The following NUP210L variants were observed in gnomAD, a reference collection of about 807,000 sequenced individuals.
The protein encoded by NUP210L is nuclear pore membrane glycoprotein 210-like.
In NUP210L, 74 loss-of-function variants were observed where a neutral mutation model predicts 208.5. That is an observed-to-expected ratio of 0.35 (90% CI 0.29 to 0.43). The LOEUF (loss-of-function observed/expected upper bound fraction) is 0.43, where lower values mean the gene tolerates loss of function less well. Among genes scored for constraint, NUP210L ranks in the 20% least tolerant of loss-of-function variants. The probability of loss-of-function intolerance (pLI) is 1.00; values close to 1 mark genes in which losing one functional copy is unlikely to be tolerated. For missense variants in NUP210L, 1,843 were observed against 2,289.4 expected (o/e 0.81, Z 3.98); for synonymous variants, 780 against 816.9 (o/e 0.95, Z 0.77).
chr1:154,035,766 C>T (rs921450312), intron 27 of NUP210L, among the ~76,000 whole-genome samples: 4 of 147,104 alleles, frequency 2.7e-5, no homozygotes, highest in East Asian at 2.1e-4. Context: ...TGGAGTCTTA[C>T]TTTGTCACCC....
In NUP210L at chr1:153,994,984, C is replaced by T. The variant is rs887804439; in HGVS notation, c.5491+92G>A. On this transcript the variant is annotated intron_variant, in intron 38 of 39. Transcript: ENST00000368559. ...CCAAGATTGCGCCACTGCACTCCAG[C>T]GTGGGCGACAGACTTAAACTCCATC... 12 of 767,388 alleles carry T rather than the reference C, an allele frequency of 1.6e-5. No homozygotes were observed. The East Asian group carries it at 2.0e-4, about 13-fold the overall frequency. 47.5% of individuals were successfully genotyped at this position (767,388 alleles called of 1,614,324 possible).
intron 35 of NUP210L, among the ~76,000 whole-genome samples, chr1:154,003,245 T>C (rs1650320841): frequency 6.6e-6 from 1 of 151,890 alleles, no homozygotes; most frequent in Non-Finnish European, 1.5e-5. Flanking sequence ...TCTCGCCCTG[T>C]TGCCCAGGCT....
chr1:154,094,469 ATAAAAATAAT>A (rs1656088667), intron 15 of NUP210L, among the ~76,000 whole-genome samples: 1 of 152,192 alleles, frequency 6.6e-6, no homozygotes, highest in Non-Finnish European at 1.5e-5. Flanking sequence ...AAATAAATAA[ATAAAAATAAT>A]TAAAAATAAT....
chr1:154,006,926 C>CTG (rs796890210), intron 35 of NUP210L, among the ~76,000 whole-genome samples: 6,514 of 87,598 alleles, frequency 0.074, 284 homozygotes, highest in Non-Finnish European at 0.11. Flanking sequence ...ACACATATGT[C>CTG]TGTGTGTGTG....
chr1:154,049,971 A>G (rs1653398579), intron 25 of NUP210L, among the ~76,000 whole-genome samples: 1 of 152,198 alleles, frequency 6.6e-6, no homozygotes, highest in Non-Finnish European at 1.5e-5. Flanking sequence ...AAGCAATTGA[A>G]CCTACTCATA....
chr1:153,995,591 ACTT>A (rs2147876934), intron 37 of NUP210L: 2 of 804,314 alleles, frequency 2.5e-6, no homozygotes, highest in East Asian at 2.5e-5. Flanking sequence ...GCTGGTTACC[ACTT>A]CTTCCTCTTC....
At chr1:154,009,881 CTACAGATATAAATGCAATCCAA>C in intron 35 of NUP210L, 69 bp downstream of exon 35, 1 of 1,021,080 alleles carries the variant, frequency 9.8e-7, no homozygotes, top group Middle Eastern at 2.6e-4. Flanking sequence ...TCAGATGAAA[CTACAGATATAAATGCAATCCAA>C]TAAGAATGGG....
exon 27 of NUP210L, chr1:154,046,096 T>C (rs1423105614): frequency 2.5e-6 from 4 of 1,614,006 alleles, no homozygotes; most frequent in African/African-American, 1.3e-5. Flanking sequence ...CTAGATCCAA[T>C]ACATCCCTTT....
chr1:154,123,758 T>C (rs1657729548), intron 10 of NUP210L, among the ~76,000 whole-genome samples: 1 of 151,668 alleles, frequency 6.6e-6, no homozygotes, highest in Non-Finnish European at 1.5e-5. Flanking sequence ...TGATCCTGTA[T>C]TCCCAGCTAC....
intron 13 of NUP210L, 140 bp downstream of exon 13, chr1:154,103,872 T>C (rs1402855744): frequency 2.1e-5 from 13 of 633,566 alleles, no homozygotes; most frequent in African/African-American, 3.7e-5. Context: ...AAAAGTAATA[T>C]GTGAACTTAG....
chr1:154,025,661 C>A (rs767946351), exon 30 of NUP210L: 1 of 1,613,800 alleles, frequency 6.2e-7, no homozygotes, highest in Non-Finnish European at 8.5e-7. Flanking sequence ...TCCTCAATGA[C>A]GGATGAATTA....
chr1:153,993,797 C>T (rs1406810710), intron 38 of NUP210L, among the ~76,000 whole-genome samples: 1 of 152,072 alleles, frequency 6.6e-6, no homozygotes, highest in Non-Finnish European at 1.5e-5. Context: ...ACTCGAGAGG[C>T]TGAGGCAGGA....
At chr1:154,094,549 T>A (rs538020901) in intron 15 of NUP210L, among the ~76,000 whole-genome samples, 2 of 152,328 alleles carry the variant, frequency 1.3e-5, no homozygotes, top group East Asian at 3.9e-4. Flanking sequence ...AATTAGTTCC[T>A]CAAAATTGCT....
At chr1:154,141,439 G>A (rs1212702235) in exon 4 of NUP210L, 1 of 1,596,140 alleles carries the variant, frequency 6.3e-7, no homozygotes, top group African/African-American at 1.3e-5. Flanking sequence ...ACCTAATTTT[G>A]CTAGACAGTT....
chr1:154,068,247 T>C (rs1398791390), intron 17 of NUP210L, among the ~76,000 whole-genome samples: 8 of 152,110 alleles, frequency 5.3e-5, no homozygotes. Context: ...TATAGACCAA[T>C]GGAACAGACC....
intron 27 of NUP210L, among the ~76,000 whole-genome samples, chr1:154,042,488 G>A (rs1180070252): frequency 2.0e-5 from 3 of 151,996 alleles, no homozygotes; most frequent in Non-Finnish European, 2.9e-5. Context: ...GTGCAGTGGC[G>A]CAATCTCGCC....
At chr1:154,118,721 G>T in exon 11 of NUP210L, 1 of 1,607,818 alleles carries the variant, frequency 6.2e-7, no homozygotes, top group African/African-American at 1.3e-5. Context: ...GGAAATGCCA[G>T]AAATTTGGGT....
intron 38 of NUP210L, among the ~76,000 whole-genome samples, chr1:153,994,564 G>A (rs1649711370): frequency 6.6e-6 from 1 of 151,474 alleles, no homozygotes. Context: ...CACCCGCCTT[G>A]GCCTCCCAAA....
chr1:154,026,183 C>A lies in NUP210L; in HGVS notation c.3948-467G>T, dbSNP rs906720886. On this transcript the variant is annotated intron_variant, in intron 29 of 39. Transcript: ENST00000368559. ...CTGGGAGGCTGAGGTTGCAGTGAGCCGAGATGACACCATTTGCACTGCAGC... is the reference window on the plus strand; with the variant it reads ...CTGGGAGGCTGAGGTTGCAGTGAGCAGAGATGACACCATTTGCACTGCAGC... Among the ~76,000 whole-genome samples the A allele has an allele frequency of 2.0e-5, 3 of 151,768 alleles. No individual in the cohort carries two copies. The South Asian group carries it at 6.2e-4, about 32-fold the overall frequency.
Sources: gnomAD v4.1 joint callset for allele counts (sites outside exome capture counted in the v4.1 genomes callset) on GRCh38, gnomAD v4.1.1 for gene constraint, MANE v1.5 for transcripts, NCBI Gene and HGNC (gene_info 2026-07-23, HGNC 2026-07-21) for gene names.